ENTREP2: variants seen among roughly 807,000 people sequenced by gnomAD.
ENTREP2 encodes endosomal transmembrane epsin interactor 2.
chr15:29,269,956 T>G, the ENTREP2 span: 8 of 449,110 alleles, frequency 1.8e-5, no homozygotes, highest in African/African-American at 4.1e-5. Flanking sequence ...TTTAGTATAG[T>G]GAAGTGTTGT....
At chr15:29,188,921 C>T in the ENTREP2 span, among the ~76,000 whole-genome samples, 2 of 152,216 alleles carry the variant, frequency 1.3e-5, no homozygotes, top group African/African-American at 2.4e-5. Context: ...GCGAACACAT[C>T]CCCATGCCAG....
At chr15:29,672,960 T>C in the ENTREP2 span, among the ~76,000 whole-genome samples, 3 of 152,124 alleles carry the variant, frequency 2.0e-5, no homozygotes, top group East Asian at 5.8e-4. Context: ...TATACTTAGT[T>C]ACTTCTTGAT....
At chr15:29,231,975 C>T in the ENTREP2 span, among the ~76,000 whole-genome samples, 7 of 148,128 alleles carry the variant, frequency 4.7e-5, no homozygotes, top group Admixed American at 2.1e-4. Context: ...CAGTAACCTC[C>T]GCCTCCCAGG....
At chr15:29,460,101 T>A in the ENTREP2 span, among the ~76,000 whole-genome samples, 97,871 of 151,578 alleles carry the variant, frequency 0.65, 31,540 homozygotes, top group South Asian at 0.66. Context: ...ATTTTTTTTT[T>A]AATAGCTGGG....
the ENTREP2 span, among the ~76,000 whole-genome samples, chr15:29,184,108 C>T: frequency 6.6e-6 from 1 of 152,128 alleles, no homozygotes; most frequent in Non-Finnish European, 1.5e-5. Flanking sequence ...CCTCAGCCTC[C>T]TGAGTAGCTG....
At chr15:29,326,143 GCA>G in the ENTREP2 span, among the ~76,000 whole-genome samples, 1 of 152,048 alleles carries the variant, frequency 6.6e-6, no homozygotes, top group Non-Finnish European at 1.5e-5. Context: ...ATGAAATACT[GCA>G]CACTTTCCCC....
the ENTREP2 span, among the ~76,000 whole-genome samples, chr15:29,489,339 T>G: frequency 6.6e-6 from 1 of 152,178 alleles, no homozygotes; most frequent in African/African-American, 2.4e-5. Context: ...TAATGTAATA[T>G]AGACTAAACC....
the ENTREP2 span, among the ~76,000 whole-genome samples, chr15:29,320,060 G>T: frequency 6.6e-6 from 1 of 152,166 alleles, no homozygotes; most frequent in Non-Finnish European, 1.5e-5. Context: ...CTGGGGGAAG[G>T]CGTTTTCCTG....
the ENTREP2 span, among the ~76,000 whole-genome samples, chr15:29,641,289 A>T: frequency 0.046 from 6,932 of 152,258 alleles, 188 homozygotes; most frequent in South Asian, 0.065. Flanking sequence ...ACTCAATATT[A>T]TACCGGAAGT....
the ENTREP2 span, among the ~76,000 whole-genome samples, chr15:29,145,632 A>AAC: frequency 7.3e-5 from 11 of 150,762 alleles, no homozygotes; most frequent in African/African-American, 2.7e-4. Context: ...CAAAAAAAAA[A>AAC]AAAAAAAAAA....
the ENTREP2 span, among the ~76,000 whole-genome samples, chr15:29,475,602 A>AAAGG: frequency 7.2e-5 from 11 of 152,276 alleles, no homozygotes; most frequent in East Asian, 2.1e-3. Context: ...GTGCTGGGCA[A>AAAGG]AAGGAAGGGG....
At chr15:29,246,973 G>GCACACACA in the ENTREP2 span, among the ~76,000 whole-genome samples, 2,610 of 137,038 alleles carry the variant, frequency 0.019, 57 homozygotes, top group Middle Eastern at 0.038. Context: ...GACTGGAAAG[G>GCACACACA]CACACACACA....
chr15:29,597,620 T>C, the ENTREP2 span, among the ~76,000 whole-genome samples: 3 of 152,034 alleles, frequency 2.0e-5, no homozygotes, highest in Non-Finnish European at 4.4e-5. Context: ...ATAGCTCAGT[T>C]CTAGTTGCTG....
chr15:29,512,899 G>C, the ENTREP2 span, among the ~76,000 whole-genome samples: 4,993 of 152,236 alleles, frequency 0.033, 260 homozygotes, highest in African/African-American at 0.11. Context: ...CCACCACCAC[G>C]CTCTATAGTT....
At chr15:29,489,150 G>GGGAA in the ENTREP2 span, among the ~76,000 whole-genome samples, 5 of 151,484 alleles carry the variant, frequency 3.3e-5, no homozygotes, top group African/African-American at 1.2e-4. Context: ...TAAAACATGG[G>GGGAA]AAAAACTGGC....
the ENTREP2 span, among the ~76,000 whole-genome samples, chr15:29,579,771 C>T: frequency 3.5e-3 from 485 of 137,420 alleles, 3 homozygotes; most frequent in African/African-American, 0.013. Flanking sequence ...AGTGCAGTGG[C>T]GCGATCTCGG....
At chr15:29,579,686 A>ATTTTTTTTTTT in the ENTREP2 span, among the ~76,000 whole-genome samples, 4 of 55,822 alleles carry the variant, frequency 7.2e-5, 1 homozygote, top group African/African-American at 3.7e-4. Flanking sequence ...CACCCAGCTA[A>ATTTTTTTTTTT]TTTTTTTTTT....
the ENTREP2 span, among the ~76,000 whole-genome samples, chr15:29,649,057 T>C: frequency 6.9e-6 from 1 of 144,972 alleles, no homozygotes; most frequent in African/African-American, 2.5e-5. Context: ...GGGACACATG[T>C]ACACACACAC....
At chr15:29,542,882 A>G in the ENTREP2 span, among the ~76,000 whole-genome samples, 4 of 152,174 alleles carry the variant, frequency 2.6e-5, no homozygotes, top group Non-Finnish European at 5.9e-5. Context: ...AAGTCTATCC[A>G]TGTCATAGTA....
Sources: allele counts gnomAD v4.1 joint callset (sites outside exome capture counted in the v4.1 genomes callset), GRCh38; gene constraint gnomAD v4.1.1; transcripts MANE v1.5; gene names NCBI Gene and HGNC (gene_info 2026-07-23, HGNC 2026-07-21).